The following TASP1 variants were observed in gnomAD, a reference collection of about 807,000 sequenced individuals.
TASP1 encodes threonine aspartase 1.
A neutral mutation model predicts 56.6 loss-of-function variants in TASP1; 16 were observed. The observed-to-expected ratio is 0.28, with a 90% CI of 0.19 to 0.43. The LOEUF (loss-of-function observed/expected upper bound fraction) is 0.43, where lower values mean the gene tolerates loss of function less well. TASP1 is among the 20% of genes least tolerant of loss of function. The pLI, the probability that TASP1 is intolerant of heterozygous loss-of-function variation, is 1.00. For synonymous variants in TASP1, 179 were observed against 184.2 expected (o/e 0.97, Z 0.23); for missense variants, 393 against 511.6 (o/e 0.77, Z 2.24).
In TASP1 at chr20:13,528,456, T is replaced by A. The variant is rs1351927276; in HGVS notation, c.851A>T (p.Tyr284Phe). Residue 284 changes from tyrosine to phenylalanine, a missense_variant, in exon 10 of 14, where the codon TAC (tyrosine) becomes TTC (phenylalanine). By Grantham distance (22) the Tyr-to-Phe change is conservative. This residue lies in a region of TASP1 where 293 missense variants were observed against 354.2 expected (regional missense o/e 0.83). Transcript: ENST00000337743. ...WAENTGAHNP[Y>F]STAVSTSGCG... Reference sequence around the variant, plus strand: ...ACCTGAGGTACTCACAGCTGTGGAGTAGGGGTTATGAGCTCCAGTATTTTC... The same window carrying A: ...ACCTGAGGTACTCACAGCTGTGGAGAAGGGGTTATGAGCTCCAGTATTTTC... 2 of 1,611,056 alleles carry A rather than the reference T, an allele frequency of 1.2e-6. No homozygotes were observed. The highest frequency in any genetic ancestry group is 2.2e-5 in the South Asian group (2 of 90,638).
the TASP1 span, among the ~76,000 whole-genome samples, chr20:13,350,950 C>T: frequency 6.7e-6 from 1 of 149,022 alleles, no homozygotes; most frequent in African/African-American, 2.5e-5. Context: ...ATCCTTGCAC[C>T]TTGGCTTCCA....
chr20:13,221,646 G>A, the TASP1 span: 1 of 733,212 alleles, frequency 1.4e-6, no homozygotes, highest in Non-Finnish European at 1.8e-6. Context: ...GGCCCGGGAA[G>A]CGGAGCCCTG....
the TASP1 span, among the ~76,000 whole-genome samples, chr20:13,207,412 G>A: frequency 6.6e-6 from 1 of 152,180 alleles, no homozygotes; most frequent in Non-Finnish European, 1.5e-5. Context: ...TAAGACATAG[G>A]TATAGATAGA....
chr20:13,216,586 C>T, the TASP1 span, among the ~76,000 whole-genome samples: 2 of 152,176 alleles, frequency 1.3e-5, no homozygotes, highest in Non-Finnish European at 2.9e-5. Flanking sequence ...ACATCTTGCC[C>T]TCTAAAGAAA....
intron 11 of TASP1, among the ~76,000 whole-genome samples, chr20:13,450,132 G>C (rs75001462): frequency 1.3e-5 from 2 of 151,988 alleles, no homozygotes; most frequent in Non-Finnish European, 2.9e-5. Flanking sequence ...TAACTGTATA[G>C]CAGTGCTATG....
the TASP1 span, among the ~76,000 whole-genome samples, chr20:13,357,935 A>G: frequency 2.0e-5 from 3 of 152,192 alleles, no homozygotes; most frequent in Non-Finnish European, 4.4e-5. Flanking sequence ...TTGCACGTAT[A>G]TGCCCAGATG....
intron 10 of TASP1, among the ~76,000 whole-genome samples, chr20:13,516,679 T>A (rs1222302721): frequency 4.9e-5 from 6 of 123,070 alleles, no homozygotes; most frequent in African/African-American, 1.5e-4. Context: ...TTTTTTTTTT[T>A]AACATTTCTT....
chr20:13,357,784 A>G, the TASP1 span, among the ~76,000 whole-genome samples: 1 of 152,236 alleles, frequency 6.6e-6, no homozygotes, highest in Non-Finnish European at 1.5e-5. Flanking sequence ...ATTCAATGCA[A>G]TACTATACAG....
the TASP1 span, among the ~76,000 whole-genome samples, chr20:13,205,397 G>A: frequency 1.3e-5 from 2 of 152,256 alleles, no homozygotes; most frequent in African/African-American, 4.8e-5. Context: ...ACTCTGTCAT[G>A]TTCTACTTGA....
At chr20:13,344,699 GT>G in the TASP1 span, among the ~76,000 whole-genome samples, 1 of 152,178 alleles carries the variant, frequency 6.6e-6, no homozygotes, top group Non-Finnish European at 1.5e-5. Context: ...CTGAAGCCAA[GT>G]TCCCCGGCAT....
intron 8 of TASP1, among the ~76,000 whole-genome samples, chr20:13,538,530 C>T (rs113924048): frequency 7.9e-5 from 12 of 152,286 alleles, no homozygotes; most frequent in African/African-American, 2.9e-4. Flanking sequence ...AGCATTATAA[C>T]TGGCATGAGC....
the TASP1 span, among the ~76,000 whole-genome samples, chr20:13,231,887 A>G: frequency 6.6e-6 from 1 of 152,170 alleles, no homozygotes; most frequent in Non-Finnish European, 1.5e-5. Flanking sequence ...GTAGGCTTTG[A>G]ATGCGATGGG....
At chr20:13,617,157 T>C in intron 4 of TASP1, 1 of 436,176 alleles carries the variant, frequency 2.3e-6, no homozygotes, top group South Asian at 1.6e-5. Context: ...CAGAGAAACA[T>C]AAAGACTCCA....
At chr20:13,395,252 A>T (rs2041479790) in intron 13 of TASP1, among the ~76,000 whole-genome samples, 1 of 152,200 alleles carries the variant, frequency 6.6e-6, no homozygotes, top group Non-Finnish European at 1.5e-5. Context: ...CACAAGGAGG[A>T]ACATGAAAAA....
the TASP1 span, among the ~76,000 whole-genome samples, chr20:13,350,994 T>A: frequency 1.3e-5 from 2 of 151,946 alleles, no homozygotes; most frequent in African/African-American, 2.4e-5. Context: ...ACCTAATTTT[T>A]AAATTTTTAA....
intron 2 of TASP1, among the ~76,000 whole-genome samples, chr20:13,629,383 GAA>G (rs2049009241): frequency 1.4e-5 from 2 of 139,642 alleles, no homozygotes; most frequent in African/African-American, 5.7e-5. Flanking sequence ...AAAAAAAAAA[GAA>G]GGTGAACCAG....
chr20:13,392,562 C>A (rs2041330970), intron 13 of TASP1: 1 of 272,454 alleles, frequency 3.7e-6, no homozygotes. Flanking sequence ...GGGTAAATGA[C>A]TGAAATAGAC....
the TASP1 span, among the ~76,000 whole-genome samples, chr20:13,365,600 C>T: frequency 6.6e-6 from 1 of 152,246 alleles, no homozygotes; most frequent in Non-Finnish European, 1.5e-5. Flanking sequence ...AACTCCAATG[C>T]AGGAACAAAC....
At chr20:13,444,501 T>A (rs1242776537) in intron 11 of TASP1, among the ~76,000 whole-genome samples, 2 of 152,134 alleles carry the variant, frequency 1.3e-5, no homozygotes, top group African/African-American at 4.8e-5. Flanking sequence ...GGGGAAACGA[T>A]GAATATTCTC....
Sources: gnomAD v4.1 joint callset for allele counts (sites outside exome capture counted in the v4.1 genomes callset) on GRCh38, gnomAD v4.1.1 for gene constraint, gnomAD v4.1.1 regional missense constraint, MANE v1.5 for transcripts, NCBI Gene and HGNC (gene_info 2026-07-23, HGNC 2026-07-21) for gene names.